GRIK3: variants seen among roughly 807,000 people sequenced by gnomAD.
GRIK3 encodes the protein glutamate receptor ionotropic, kainate 3.
Under a neutral mutation model 102.5 loss-of-function variants are expected in GRIK3, and 29 were observed. That is an observed-to-expected ratio of 0.28 (90% CI 0.21 to 0.39). The LOEUF (loss-of-function observed/expected upper bound fraction) is 0.39. Ranked by LOEUF, GRIK3 falls within the 10% of genes least tolerant of loss-of-function variation. The probability of loss-of-function intolerance (pLI) is 1.00; values close to 1 mark genes in which losing one functional copy is unlikely to be tolerated. For missense variants in GRIK3, 908 were observed against 1,252.4 expected (o/e 0.73, Z 4.15); for synonymous variants, 511 against 504.9 (o/e 1.01, Z -0.16).
At chr1:36,874,458 G>A (rs926226144) in intron 3 of GRIK3, among the ~76,000 whole-genome samples, 2 of 152,188 alleles carry the variant, frequency 1.3e-5, no homozygotes, top group African/African-American at 4.8e-5. Flanking sequence ...AGAGTGGTCT[G>A]GATCAAACAG....
At chr1:37,007,155 G>C (rs1225184263) in intron 1 of GRIK3, among the ~76,000 whole-genome samples, 4 of 152,218 alleles carry the variant, frequency 2.6e-5, no homozygotes, top group Admixed American at 2.6e-4. Context: ...ACGGCATAGG[G>C]CACCACTACA....
At chr1:36,808,705 C>T (rs1037963051) in intron 13 of GRIK3, among the ~76,000 whole-genome samples, 2 of 152,198 alleles carry the variant, frequency 1.3e-5, no homozygotes, top group African/African-American at 4.8e-5. Flanking sequence ...CCAGAGGACT[C>T]AGCGAAACTG....
chr1:36,949,324 G>A (rs1019750569), intron 1 of GRIK3, among the ~76,000 whole-genome samples: 4 of 152,082 alleles, frequency 2.6e-5, no homozygotes, highest in African/African-American at 7.2e-5. Flanking sequence ...TCCCCCTACT[G>A]AAGCTACTAG....
At chr1:36,958,860 CTG>C (rs1641960760) in intron 1 of GRIK3, among the ~76,000 whole-genome samples, 1 of 123,262 alleles carries the variant, frequency 8.1e-6, no homozygotes, top group Non-Finnish European at 1.8e-5. Flanking sequence ...CCCCATGAGC[CTG>C]TGTGTCCTGT....
rs112442872 is a variant in GRIK3, at chr1:36,977,619, G to C, written c.115+56375C>G. ...GCTCTGAAGGTGGTCTTAGGGGAGG[G>C]GGCTGGAGAGACTGAGGACCCAAGG... is the stretch of plus-strand genomic sequence containing the variant. On this transcript the variant is annotated intron_variant, in intron 1 of 15. Coordinates refer to ENST00000373091, the MANE Select transcript of GRIK3 (RefSeq NM_000831.4). Among the ~76,000 whole-genome samples the C allele has an allele frequency of 7.0e-3, 1,068 of 152,298 alleles. 5 individuals carry two copies. Among genetic ancestry groups the C allele is most frequent in the Non-Finnish European group, 9.7e-3 (662 of 68,024 alleles).
At chr1:36,939,233 G>A (rs1041180578) in intron 1 of GRIK3, among the ~76,000 whole-genome samples, 4 of 152,240 alleles carry the variant, frequency 2.6e-5, no homozygotes, top group African/African-American at 9.6e-5. Context: ...GGGCGGAGAG[G>A]TGCAGCCCCC....
chr1:36,894,416 G>A, intron 1 of GRIK3, among the ~76,000 whole-genome samples: 1 of 152,116 alleles, frequency 6.6e-6, no homozygotes, highest in East Asian at 1.9e-4. Flanking sequence ...TGGGTATTTG[G>A]ATTGTTTTAA....
At chr1:36,951,510 C>T (rs986954022) in intron 1 of GRIK3, among the ~76,000 whole-genome samples, 1 of 152,238 alleles carries the variant, frequency 6.6e-6, no homozygotes, top group Non-Finnish European at 1.5e-5. Context: ...GGCCCCCTCT[C>T]CTCGGCAGCA....
chr1:37,016,660 C>T (rs1642655255), intron 1 of GRIK3, among the ~76,000 whole-genome samples: 1 of 151,976 alleles, frequency 6.6e-6, no homozygotes, highest in Admixed American at 6.6e-5. Context: ...AGCAGCAGGA[C>T]AGTGACTGGC....
intron 1 of GRIK3, among the ~76,000 whole-genome samples, chr1:36,964,948 G>C (rs928442828): frequency 1.3e-5 from 2 of 152,168 alleles, no homozygotes; most frequent in African/African-American, 2.4e-5. Context: ...GTTTTGAAAC[G>C]CTGTTAATTC....
intron 11 of GRIK3, 75 bp downstream of exon 11, chr1:36,825,528 C>T (rs1642746095): frequency 1.1e-6 from 1 of 932,480 alleles, no homozygotes; most frequent in Non-Finnish European, 1.6e-6. Flanking sequence ...GTGCCAGGGG[C>T]TGAGGAGATG....
rs572026733 is a variant in GRIK3, at chr1:37,019,977, C to T, written c.115+14017G>A. On this transcript the variant is annotated intron_variant, in intron 1 of 15. Transcript: ENST00000373091. ...ATCTTACCTCTTAAATCCTTGGGGT[C>T]CATTTGCCTAAACCTCATTTCTTGT... is the stretch of plus-strand genomic sequence containing the variant. Among the ~76,000 whole-genome samples, 7 of 152,290 alleles carry T rather than the reference C, an allele frequency of 4.6e-5. No homozygotes were observed. The South Asian group carries it at 6.2e-4, about 14-fold the overall frequency.
intron 1 of GRIK3, among the ~76,000 whole-genome samples, chr1:36,978,991 G>A (rs2124364642): frequency 6.6e-6 from 1 of 152,346 alleles, no homozygotes; most frequent in East Asian, 1.9e-4. Context: ...TGCTATTGGA[G>A]AACTGTCTGA....
chr1:36,984,903 C>A (rs1023448050), intron 1 of GRIK3, among the ~76,000 whole-genome samples: 1 of 152,120 alleles, frequency 6.6e-6, no homozygotes, highest in Non-Finnish European at 1.5e-5. Flanking sequence ...CAGTGGGCAG[C>A]GGAGGGGGTG....
At chr1:36,866,174 C>T (rs1038614635) in intron 5 of GRIK3, among the ~76,000 whole-genome samples, 1 of 152,236 alleles carries the variant, frequency 6.6e-6, no homozygotes, top group African/African-American at 2.4e-5. Flanking sequence ...GCCACAATGT[C>T]CAGCCCTAAA....
intron 10 of GRIK3, among the ~76,000 whole-genome samples, chr1:36,836,261 G>T (rs1305961267): frequency 6.6e-6 from 1 of 152,250 alleles, no homozygotes; most frequent in African/African-American, 2.4e-5. Context: ...GTGGGCACTG[G>T]GGTCATGGCC....
In GRIK3 at chr1:36,801,883, A is replaced by G; in HGVS notation, c.2728T>C (p.Cys910Arg). The change falls in exon 16 of 16, where the codon TGC becomes CGC. Residue 910 changes from cysteine (C) to arginine (R), a missense_variant. Around this residue, in one of 3 missense-constraint regions of GRIK3, gnomAD observed 297 missense variants for 362.7 expected, o/e 0.82. Transcript: ENST00000373091. ...RRLPGKDSMACSTSLAPVFP is the reference protein window; with the variant it reads ...RRLPGKDSMARSTSLAPVFP ...AACACAGGGGCTAAGGATGTGCTGC[A>G]GGCCATGCTGTCCTTGCCGGGAAGC... The G allele has an allele frequency of 6.2e-7, 1 of 1,612,024 alleles. No homozygotes were observed. Among genetic ancestry groups the G allele is most frequent in the South Asian group, 1.1e-5 (1 of 90,698 alleles).
chr1:37,000,489 A>G (rs137861840), intron 1 of GRIK3, among the ~76,000 whole-genome samples: 9 of 152,340 alleles, frequency 5.9e-5, no homozygotes, highest in Admixed American at 1.3e-4. Flanking sequence ...AATGAAGTTG[A>G]GAGAGGAAAA....
At chr1:37,017,168 T>C (rs1355440057) in intron 1 of GRIK3, among the ~76,000 whole-genome samples, 1 of 150,720 alleles carries the variant, frequency 6.6e-6, no homozygotes, top group Non-Finnish European at 1.5e-5. Context: ...TGAGCCGAGA[T>C]TGCACCACTG....
Sources: gnomAD v4.1 joint callset for allele counts (sites outside exome capture counted in the v4.1 genomes callset) on GRCh38, gnomAD v4.1.1 for gene constraint, gnomAD v4.1.1 regional missense constraint, MANE v1.5 for transcripts, NCBI Gene and HGNC (gene_info 2026-07-23, HGNC 2026-07-21) for gene names.